Variants in RNLS observed in about 807,000 individuals in gnomAD.
RNLS encodes renalase, FAD dependent amine oxidase.
A neutral mutation model predicts 39.8 loss-of-function variants in RNLS; 39 were observed. The ratio of observed to expected loss-of-function variants is 0.98; its 90% CI spans 0.76 to 1.28. RNLS has a LOEUF of 1.28. RNLS is among the 50% of genes most tolerant of loss of function. RNLS has a pLI of 0.00. For missense variants in RNLS, 410 were observed against 413.3 expected, an observed-to-expected ratio of 0.99 and a Z score of 0.07; for synonymous variants, 147 against 150.7, an observed-to-expected ratio of 0.98 and a Z score of 0.18.
At position 88,572,965 on chromosome 10, in the gene RNLS, T is replaced by C; in HGVS notation, c.464A>G (p.Asp155Gly). ...SKQTGSPEQF[D>G]LIVLTMPVPE... ...AACTGGCATTGTGAGAACAATAAGA[T>C]CAAACTGCTCAGGGGAGCCTGTTTG... The change falls in exon 4 of 7, where the codon GAT becomes GGT. Residue 155 changes from aspartate (D) to glycine (G), a missense_variant. Asp to Gly is a moderately conservative substitution (Grantham distance 94, BLOSUM62 -1). Transcript: ENST00000331772. 1 of 1,614,018 alleles carries C rather than the reference T, an allele frequency of 6.2e-7. No homozygotes were observed. Among genetic ancestry groups the C allele is most frequent in the Non-Finnish European group, 8.5e-7 (1 of 1,179,926 alleles).
chr10:88,420,623 T>C (rs1406072225), intron 4 of RNLS, among the ~76,000 whole-genome samples: 1 of 152,240 alleles, frequency 6.6e-6, no homozygotes, highest in African/African-American at 2.4e-5. Context: ...ATTTATTGTA[T>C]ATAGAGCCCA....
chr10:88,200,676 A>G, the RNLS span, among the ~76,000 whole-genome samples: 1 of 152,206 alleles, frequency 6.6e-6, no homozygotes, highest in African/African-American at 2.4e-5. Context: ...TTCTCTGCAG[A>G]GAGCTCAAAT....
At chr10:88,257,253 ATGTGAG>A in the RNLS span, among the ~76,000 whole-genome samples, 1 of 152,202 alleles carries the variant, frequency 6.6e-6, no homozygotes, top group East Asian at 1.9e-4. Context: ...AATTGATGTG[ATGTGAG>A]TGTAAGTTAA....
chr10:88,207,468 A>T, the RNLS span, among the ~76,000 whole-genome samples: 1 of 152,178 alleles, frequency 6.6e-6, no homozygotes, highest in Admixed American at 6.6e-5. Context: ...AATTAAAACC[A>T]CAGTGAGATA....
chr10:88,350,477 C>A (rs186957518), intron 5 of RNLS, among the ~76,000 whole-genome samples: 1 of 151,982 alleles, frequency 6.6e-6, no homozygotes, highest in East Asian at 1.9e-4. Context: ...TGAGAACATG[C>A]GGTGTTTGGT....
chr10:88,581,762 T>A, intron 2 of RNLS, 53 bp from the exon 3 acceptor site: 2 of 1,164,140 alleles, frequency 1.7e-6, no homozygotes, highest in Non-Finnish European at 2.3e-6. Context: ...TGAATAGCTC[T>A]AAAAGACTAT....
intron 4 of RNLS, among the ~76,000 whole-genome samples, chr10:88,568,002 G>A (rs1324290648): frequency 1.3e-5 from 2 of 152,054 alleles, no homozygotes; most frequent in African/African-American, 2.4e-5. Flanking sequence ...TGTCCACCAC[G>A]ACCAGACTCT....
rs577941911 is a variant in RNLS, at chr10:88,441,795, C to T, written c.527-79070G>A. Among the ~76,000 whole-genome samples, 131 of 152,202 alleles carry T rather than the reference C, an allele frequency of 8.6e-4. 3 individuals are homozygous for T. In the South Asian group the frequency reaches 0.017, roughly 20 times the overall value. On this transcript the variant is annotated intron_variant, in intron 4 of 6. Transcript: ENST00000331772. ...TGCAATGGCTGCTCTCAAATGTTACCGTGTTTATTCTAGGATTAATAAACA... is the reference window on the plus strand; with the variant it reads ...TGCAATGGCTGCTCTCAAATGTTACTGTGTTTATTCTAGGATTAATAAACA...
chr10:88,187,758 A>G, the RNLS span, among the ~76,000 whole-genome samples: 2 of 152,234 alleles, frequency 1.3e-5, no homozygotes, highest in African/African-American at 4.8e-5. Flanking sequence ...GGACTGAGAT[A>G]ACTTTTCTTG....
the RNLS span, among the ~76,000 whole-genome samples, chr10:88,214,181 T>A: frequency 6.6e-6 from 1 of 152,176 alleles, no homozygotes; most frequent in African/African-American, 2.4e-5. Flanking sequence ...AGTAAGTTTC[T>A]CTCTCCAAGA....
chr10:88,542,248 T>C (rs1055864862), intron 4 of RNLS, among the ~76,000 whole-genome samples: 1 of 152,116 alleles, frequency 6.6e-6, no homozygotes, highest in Non-Finnish European at 1.5e-5. Flanking sequence ...TCAAGCATGA[T>C]TACTCCATGC....
the RNLS span, among the ~76,000 whole-genome samples, chr10:88,180,543 C>G: frequency 6.6e-6 from 1 of 152,164 alleles, no homozygotes; most frequent in Non-Finnish European, 1.5e-5. Flanking sequence ...AGCTACTGCA[C>G]TCTACTTATA....
At position 88,526,919 on chromosome 10, in the gene RNLS, G is replaced by T. The variant is rs140206710; in HGVS notation, c.526+45984C>A. Among the ~76,000 whole-genome samples the T allele has an allele frequency of 6.5e-4, 96 of 148,468 alleles. 1 individual carries two copies. Among genetic ancestry groups the T allele is most frequent in the South Asian group, 1.7e-3 (8 of 4,726 alleles). On this transcript the variant is annotated intron_variant, in intron 4 of 6. Transcript: ENST00000331772. ...AATGTTAAGGAACTGGAGGCACCAG[G>T]TGTCTCTGGAGGCACCAGGTGTCTC...
chr10:88,368,122 T>C (rs949432826), intron 4 of RNLS, among the ~76,000 whole-genome samples: 2 of 151,920 alleles, frequency 1.3e-5, no homozygotes, highest in Non-Finnish European at 1.5e-5. Context: ...TCCTGAAAAC[T>C]TTATTAGTTT....
chr10:88,393,305 C>T (rs1852329141), intron 4 of RNLS, among the ~76,000 whole-genome samples: 1 of 151,932 alleles, frequency 6.6e-6, no homozygotes, highest in Non-Finnish European at 1.5e-5. Flanking sequence ...ATCGTCTCAG[C>T]CCAAAATCTC....
the RNLS span, among the ~76,000 whole-genome samples, chr10:88,248,048 T>C: frequency 3.9e-5 from 6 of 152,380 alleles, no homozygotes; most frequent in African/African-American, 9.6e-5. Flanking sequence ...AACTGTAAGA[T>C]GATACGTACA....
At chr10:88,394,474 C>T (rs1420601562) in intron 4 of RNLS, among the ~76,000 whole-genome samples, 7 of 152,276 alleles carry the variant, frequency 4.6e-5, no homozygotes, top group African/African-American at 1.7e-4. Context: ...CAGAAAAATG[C>T]AAATCAAAAC....
chr10:88,197,081 G>A, the RNLS span, among the ~76,000 whole-genome samples: 245 of 152,290 alleles, frequency 1.6e-3, 1 homozygote, highest in Non-Finnish European at 3.0e-3. Flanking sequence ...AAGTGCATGC[G>A]TGACTTTGGG....
At chr10:88,548,192 G>A (rs541116955) in intron 4 of RNLS, among the ~76,000 whole-genome samples, 18 of 137,166 alleles carry the variant, frequency 1.3e-4, no homozygotes, top group Admixed American at 2.4e-4. Context: ...AACCCGGGAG[G>A]CGGAGGTTGC....
Sources: gnomAD v4.1 joint callset for allele counts (sites outside exome capture counted in the v4.1 genomes callset) on GRCh38, gnomAD v4.1.1 for gene constraint, MANE v1.5 for transcripts, NCBI Gene and HGNC (gene_info 2026-07-23, HGNC 2026-07-21) for gene names.